Variants in CAB39L observed in about 807,000 individuals in gnomAD.
CAB39L encodes the protein calcium-binding protein 39-like.
CAB39L carries 23 observed loss-of-function variants against 39.1 expected under a neutral mutation model. The ratio of observed to expected loss-of-function variants is 0.59; its 90% CI spans 0.42 to 0.83. The LOEUF (loss-of-function observed/expected upper bound fraction) is 0.83. Ranked by LOEUF, CAB39L falls within the 40% of genes least tolerant of loss-of-function variation. CAB39L has a pLI of 0.00. For synonymous variants in CAB39L, 126 were observed against 137.2 expected (o/e 0.92, Z 0.57); for missense variants, 366 against 391.9 (o/e 0.93, Z 0.56).
chr13:49,442,811 A>C (rs1056525244), intron 1 of CAB39L, among the ~76,000 whole-genome samples: 37 of 148,756 alleles, frequency 2.5e-4, no homozygotes, highest in Admixed American at 1.4e-3. Flanking sequence ...AAAAAAAAAA[A>C]AAAAAAAACA....
chr13:49,436,599 T>C (rs917883368), intron 1 of CAB39L, among the ~76,000 whole-genome samples: 1 of 145,768 alleles, frequency 6.9e-6, no homozygotes. Flanking sequence ...AGTCTCTCTA[T>C]ATTGCCCAGG....
At chr13:49,372,848 T>C (rs957501965) in intron 5 of CAB39L, among the ~76,000 whole-genome samples, 17 of 152,144 alleles carry the variant, frequency 1.1e-4, no homozygotes, top group Admixed American at 1.1e-3. Context: ...CTAATTTTTA[T>C]ATTTTTAGTA....
intron 8 of CAB39L, among the ~76,000 whole-genome samples, chr13:49,340,959 A>T (rs1197765130): frequency 6.6e-6 from 1 of 152,230 alleles, no homozygotes; most frequent in African/African-American, 2.4e-5. Flanking sequence ...TTAGGTAAAA[A>T]AGGAGTCAAA....
intron 8 of CAB39L, 54 bp from the exon 9 acceptor site, chr13:49,339,796 A>G: frequency 1.4e-6 from 2 of 1,419,144 alleles, no homozygotes; most frequent in Non-Finnish European, 1.9e-6. Flanking sequence ...GATTCTCCGT[A>G]TTAGGCTGGC....
chr13:49,431,868 A>G (rs1342702417), intron 3 of CAB39L, among the ~76,000 whole-genome samples: 3 of 152,218 alleles, frequency 2.0e-5, no homozygotes, highest in African/African-American at 7.2e-5. Context: ...TTAGCTAAAA[A>G]TTAGAAACAA....
At chr13:49,439,681 C>A (rs1957472962) in intron 1 of CAB39L, among the ~76,000 whole-genome samples, 1 of 152,172 alleles carries the variant, frequency 6.6e-6, no homozygotes, top group Admixed American at 6.5e-5. Flanking sequence ...AGTGGCTGAA[C>A]TAATTTACAC....
At chr13:49,339,463 G>A (rs181315333) in intron 9 of CAB39L, among the ~76,000 whole-genome samples, 21 of 152,208 alleles carry the variant, frequency 1.4e-4, no homozygotes, top group Admixed American at 1.3e-3. Flanking sequence ...TACTTATCAT[G>A]TACTTATATT....
intron 3 of CAB39L, among the ~76,000 whole-genome samples, chr13:49,394,925 A>G (rs1429214608): frequency 6.6e-6 from 1 of 152,250 alleles, no homozygotes; most frequent in Non-Finnish European, 1.5e-5. Flanking sequence ...GTTAAAAACA[A>G]CATCCCAAAT....
chr13:49,443,572 AATCAGGCAGTTC>A (rs1957585466), intron 1 of CAB39L, among the ~76,000 whole-genome samples: 1 of 152,196 alleles, frequency 6.6e-6, no homozygotes, highest in South Asian at 2.1e-4. Flanking sequence ...CTCCTTTCTC[AATCAGGCAGTTC>A]ATCAGCTAGC....
At chr13:49,334,836 T>C (rs914638586) in intron 9 of CAB39L, among the ~76,000 whole-genome samples, 3 of 152,214 alleles carry the variant, frequency 2.0e-5, no homozygotes, top group Non-Finnish European at 4.4e-5. Flanking sequence ...ATCCTCAAGA[T>C]GAAGGGTAAC....
intron 3 of CAB39L, among the ~76,000 whole-genome samples, chr13:49,388,577 G>A (rs1028083787): frequency 3.9e-5 from 6 of 152,130 alleles, no homozygotes; most frequent in African/African-American, 1.4e-4. Flanking sequence ...AACAGATAGT[G>A]TATATTTACT....
intron 4 of CAB39L, 21 bp downstream of exon 4, chr13:49,382,779 T>C (rs956260660): frequency 1.4e-6 from 2 of 1,429,134 alleles, no homozygotes; most frequent in Admixed American, 1.7e-5. Context: ...TTAATCATAA[T>C]GTTACTGTTT....
At chr13:49,388,989 C>T (rs1956430707) in intron 3 of CAB39L, among the ~76,000 whole-genome samples, 2 of 152,152 alleles carry the variant, frequency 1.3e-5, no homozygotes, top group African/African-American at 2.4e-5. Flanking sequence ...GGTTTGGCCA[C>T]AGTATTCCCT....
At chr13:49,427,652 G>C (rs1957263871) in intron 3 of CAB39L, among the ~76,000 whole-genome samples, 1 of 152,106 alleles carries the variant, frequency 6.6e-6, no homozygotes, top group Non-Finnish European at 1.5e-5. Context: ...TAGCATCACT[G>C]CACTCCAGCC....
chr13:49,363,304 T>C (rs1955681453), intron 5 of CAB39L, among the ~76,000 whole-genome samples: 1 of 152,016 alleles, frequency 6.6e-6, no homozygotes, highest in Admixed American at 6.6e-5. Context: ...ATATAAACAG[T>C]ACAATAAGAC....
chr13:49,317,956 G>A (rs1408826009), intron 10 of CAB39L, among the ~76,000 whole-genome samples: 1 of 152,060 alleles, frequency 6.6e-6, no homozygotes, highest in Non-Finnish European at 1.5e-5. Flanking sequence ...AAAAGAACTT[G>A]AACAGACATT....
At chr13:49,428,322 T>C (rs1196806785) in intron 3 of CAB39L, among the ~76,000 whole-genome samples, 1 of 152,212 alleles carries the variant, frequency 6.6e-6, no homozygotes, top group Non-Finnish European at 1.5e-5. Context: ...CTTTGCTGTT[T>C]GGGCCTCTCC....
At chr13:49,323,279 G>A (rs573299325) in intron 10 of CAB39L, among the ~76,000 whole-genome samples, 30 of 152,226 alleles carry the variant, frequency 2.0e-4, no homozygotes, top group African/African-American at 7.2e-4. Context: ...TGTGCATCAG[G>A]GGCCTTCACT....
At chr13:49,329,544 A>AATAT (rs1179579885) in intron 10 of CAB39L, among the ~76,000 whole-genome samples, 14 of 33,794 alleles carry the variant, frequency 4.1e-4, no homozygotes, top group South Asian at 1.3e-3. Flanking sequence ...TAAAAAAAAA[A>AATAT]ATATATATAT....
Sources: gnomAD v4.1 joint callset for allele counts (sites outside exome capture counted in the v4.1 genomes callset) on GRCh38, gnomAD v4.1.1 for gene constraint, MANE v1.5 for transcripts, NCBI Gene and HGNC (gene_info 2026-07-23, HGNC 2026-07-21) for gene names.